Variants in LY6S observed in about 807,000 individuals in gnomAD.
The protein encoded by LY6S is lymphocyte antigen 6 family member S, also known as lymphocyte antigen 6S.
the LY6S span, among the ~76,000 whole-genome samples, chr8:143,061,430 C>T: frequency 3.5e-4 from 53 of 152,312 alleles, no homozygotes; most frequent in African/African-American, 1.1e-3. Flanking sequence ...AAAATAGCTT[C>T]AAAACATTTA....
At chr8:143,056,460 G>C in the LY6S span, among the ~76,000 whole-genome samples, 1 of 151,892 alleles carries the variant, frequency 6.6e-6, no homozygotes, top group Admixed American at 6.6e-5. Context: ...AAAATTCTGA[G>C]CAAACTGAAA....
the LY6S span, among the ~76,000 whole-genome samples, chr8:143,051,418 G>A: frequency 1.3e-5 from 2 of 152,012 alleles, no homozygotes; most frequent in South Asian, 2.1e-4. Context: ...GCATGCACCC[G>A]TAATCCCAGC....
At chr8:143,064,163 T>G in the LY6S span, among the ~76,000 whole-genome samples, 1 of 152,178 alleles carries the variant, frequency 6.6e-6, no homozygotes, top group African/African-American at 2.4e-5. Flanking sequence ...CATTGTTAGC[T>G]CCCTTCAACA....
the LY6S span, chr8:143,049,247 C>T: frequency 1.9e-6 from 1 of 534,812 alleles, no homozygotes; most frequent in Middle Eastern, 3.2e-4. Context: ...TCTCTACTCT[C>T]ACTGAACACC....
At chr8:143,060,717 C>A in the LY6S span, among the ~76,000 whole-genome samples, 2 of 152,160 alleles carry the variant, frequency 1.3e-5, no homozygotes, top group Non-Finnish European at 1.5e-5. Flanking sequence ...GCTGTCTTTT[C>A]TTCTATCTCT....
At chr8:143,044,107 C>G in the LY6S span, 2 of 456,144 alleles carry the variant, frequency 4.4e-6, no homozygotes, top group Non-Finnish European at 8.8e-6. Context: ...CCCCAGTCCT[C>G]CCATGGCCTG....
chr8:143,057,535 A>T, the LY6S span: 1 of 936,936 alleles, frequency 1.1e-6, no homozygotes, highest in Admixed American at 1.9e-5. Context: ...GGCGTGAGCC[A>T]CTGCGCCTGG....
At chr8:143,072,450 GA>G in the LY6S span, among the ~76,000 whole-genome samples, 2 of 123,190 alleles carry the variant, frequency 1.6e-5, no homozygotes, top group South Asian at 2.8e-4. Flanking sequence ...TCGTCCTCGG[GA>G]TTCCTGTTTG....
the LY6S span, among the ~76,000 whole-genome samples, chr8:143,070,961 T>C: frequency 1.6e-4 from 25 of 151,574 alleles, no homozygotes; most frequent in African/African-American, 5.8e-4. Context: ...AAAGAGATCG[T>C]ATTGATCAGA....
the LY6S span, among the ~76,000 whole-genome samples, chr8:143,049,921 A>C: frequency 2.2e-5 from 2 of 91,648 alleles, no homozygotes; most frequent in African/African-American, 3.9e-5. Context: ...AAAAAAAACA[A>C]AAACTCATCT....
chr8:143,057,201 G>A, the LY6S span: 2 of 310,728 alleles, frequency 6.4e-6, no homozygotes, highest in Middle Eastern at 1.4e-3. Context: ...TCCGGGACTG[G>A]CTTTGTTTGG....
chr8:143,073,462 G>T, the LY6S span, among the ~76,000 whole-genome samples: 3 of 101,628 alleles, frequency 3.0e-5, no homozygotes, highest in South Asian at 1.0e-3. Context: ...GACAGCCGTC[G>T]TCCCCGGGGC....
chr8:143,067,146 G>C, the LY6S span, among the ~76,000 whole-genome samples: 1 of 152,144 alleles, frequency 6.6e-6, no homozygotes, highest in South Asian at 2.1e-4. Flanking sequence ...CTCCACTCTT[G>C]TTATGTGAGA....
At chr8:143,076,396 GCCC>G in the LY6S span, among the ~76,000 whole-genome samples, 1 of 152,138 alleles carries the variant, frequency 6.6e-6, no homozygotes, top group Non-Finnish European at 1.5e-5. Flanking sequence ...CGCTGGGGAC[GCCC>G]AGACACCTAT....
At chr8:143,072,198 G>C in the LY6S span, among the ~76,000 whole-genome samples, 1 of 152,078 alleles carries the variant, frequency 6.6e-6, no homozygotes, top group Non-Finnish European at 1.5e-5. Flanking sequence ...TGAGAAGACA[G>C]CCGTCATTCT....
At chr8:143,061,501 T>TTTGG in the LY6S span, among the ~76,000 whole-genome samples, 1,888 of 148,988 alleles carry the variant, frequency 0.013, 18 homozygotes, top group South Asian at 0.033. Flanking sequence ...GGTTTGTTTG[T>TTTGG]TTGGTTGGTT....
the LY6S span, among the ~76,000 whole-genome samples, chr8:143,046,819 A>G: frequency 6.6e-6 from 1 of 151,610 alleles, no homozygotes; most frequent in African/African-American, 2.4e-5. Flanking sequence ...GGTCAACATG[A>G]CGAAACCCTG....
chr8:143,076,441 T>A, the LY6S span, among the ~76,000 whole-genome samples: 1 of 152,204 alleles, frequency 6.6e-6, no homozygotes, highest in South Asian at 2.1e-4. Flanking sequence ...GGAGAAGACC[T>A]GTTCCCAGGG....
chr8:143,056,518 A>G, the LY6S span, among the ~76,000 whole-genome samples: 2 of 152,156 alleles, frequency 1.3e-5, no homozygotes, highest in Admixed American at 6.6e-5. Context: ...TAGCACATAC[A>G]TTTCTTACTG....
Sources: allele counts gnomAD v4.1 joint callset (sites outside exome capture counted in the v4.1 genomes callset), GRCh38; gene constraint gnomAD v4.1.1; transcripts MANE v1.5; gene names NCBI Gene and HGNC (gene_info 2026-07-23, HGNC 2026-07-21).